Variants in PTPRD observed in about 807,000 individuals in gnomAD.
PTPRD encodes protein tyrosine phosphatase receptor type D.
Under a neutral mutation model 214.5 loss-of-function variants are expected in PTPRD, and 34 were observed. The observed-to-expected ratio is 0.16, with a 90% CI of 0.12 to 0.21. The LOEUF (loss-of-function observed/expected upper bound fraction) is 0.21. Ranked by LOEUF, PTPRD falls within the 10% of genes least tolerant of loss-of-function variation. PTPRD has a pLI of 1.00. For synonymous variants in PTPRD, 1,128 were observed against 845.7 expected, an observed-to-expected ratio of 1.33 and a Z score of -5.79; for missense variants, 2,545 against 2,398.7, an observed-to-expected ratio of 1.06 and a Z score of -1.27.
chr9:10,570,098 AT>A (rs2131902575), intron 2 of PTPRD, among the ~76,000 whole-genome samples: 1 of 152,282 alleles, frequency 6.6e-6, no homozygotes, highest in Non-Finnish European at 1.5e-5. Flanking sequence ...TTTCTAAAAA[AT>A]AAAAAAAAGA....
intron 5 of PTPRD, among the ~76,000 whole-genome samples, chr9:9,822,492 CATATA>C (rs1250877864): frequency 1.4e-5 from 2 of 147,356 alleles, no homozygotes; most frequent in Non-Finnish European, 3.0e-5. Flanking sequence ...ATATACAGAA[CATATA>C]ATATATATGT....
intron 9 of PTPRD, among the ~76,000 whole-genome samples, chr9:9,389,183 C>A (rs1034432350): frequency 2.0e-5 from 3 of 152,196 alleles, no homozygotes; most frequent in South Asian, 2.1e-4. Context: ...TAGCAGCATA[C>A]TGCTTAATGA....
At chr9:8,763,409 G>C (rs1188108710) in intron 11 of PTPRD, among the ~76,000 whole-genome samples, 1 of 152,058 alleles carries the variant, frequency 6.6e-6, no homozygotes, top group Non-Finnish European at 1.5e-5. Flanking sequence ...AGCTACTTGG[G>C]AGGCTGAGGC....
chr9:8,352,734 T>G (rs956149501), intron 39 of PTPRD, among the ~76,000 whole-genome samples: 1 of 152,158 alleles, frequency 6.6e-6, no homozygotes, highest in South Asian at 2.1e-4. Context: ...CTTTGATTAG[T>G]TTGTAAGGCA....
chr9:10,248,533 A>AAAAAAAAAAAAAAAAAAAAAAC (rs60272481), intron 3 of PTPRD, among the ~76,000 whole-genome samples: 7 of 127,444 alleles, frequency 5.5e-5, no homozygotes, highest in African/African-American at 1.6e-4. Flanking sequence ...AAAATAAAAA[A>AAAAAAAAAAAAAAAAAAAAAAC]AATAAAGCGA....
At chr9:10,107,052 C>G (rs1056072032) in intron 3 of PTPRD, among the ~76,000 whole-genome samples, 2 of 151,782 alleles carry the variant, frequency 1.3e-5, no homozygotes, top group Admixed American at 1.3e-4. Context: ...GCCTGGGGAA[C>G]TAGAAAATAT....
intron 14 of PTPRD, among the ~76,000 whole-genome samples, chr9:8,616,566 G>T (rs527800697): frequency 6.6e-6 from 1 of 151,954 alleles, no homozygotes; most frequent in Non-Finnish European, 1.5e-5. Flanking sequence ...CGTGGTCTGT[G>T]GTTAACAGAA....
intron 39 of PTPRD, among the ~76,000 whole-genome samples, chr9:8,373,909 TCTATCTACCTACCTAC>T (rs796603782): frequency 0.097 from 7,536 of 77,918 alleles, 688 homozygotes; most frequent in African/African-American, 0.36. Context: ...TATCTATCTA[TCTATCTACCTACCTAC>T]CTATCTCAGT....
chr9:9,420,708 C>T (rs989722013), intron 8 of PTPRD, among the ~76,000 whole-genome samples: 4 of 151,874 alleles, frequency 2.6e-5, no homozygotes, highest in East Asian at 3.9e-4. Flanking sequence ...ATGTATATGA[C>T]GACGTACAAC....
At chr9:9,730,871 G>C (rs1406541796) in intron 7 of PTPRD, among the ~76,000 whole-genome samples, 1 of 152,058 alleles carries the variant, frequency 6.6e-6, no homozygotes, top group Non-Finnish European at 1.5e-5. Context: ...CATTGCACCT[G>C]ACAAACGGTG....
intron 3 of PTPRD, among the ~76,000 whole-genome samples, chr9:10,248,522 A>AC (rs2092435586): frequency 3.7e-5 from 3 of 81,754 alleles, no homozygotes; most frequent in Non-Finnish European, 1.1e-4. Context: ...AAAAAAAAAA[A>AC]AAAATAAAAA....
At chr9:9,242,536 G>C (rs1311670150) in intron 9 of PTPRD, among the ~76,000 whole-genome samples, 6 of 151,964 alleles carry the variant, frequency 3.9e-5, no homozygotes, top group Non-Finnish European at 8.8e-5. Flanking sequence ...TGGAGGCTTT[G>C]TTTCTTTTTA....
intron 14 of PTPRD, among the ~76,000 whole-genome samples, chr9:8,578,530 A>T (rs188442716): frequency 4.6e-5 from 7 of 152,344 alleles, no homozygotes; most frequent in African/African-American, 1.4e-4. Context: ...TAGGCTGTCA[A>T]TACAACAAAA....
intron 8 of PTPRD, among the ~76,000 whole-genome samples, chr9:9,560,885 C>T (rs2082750685): frequency 6.6e-6 from 1 of 152,130 alleles, no homozygotes; most frequent in Non-Finnish European, 1.5e-5. Flanking sequence ...CCCTTGCCTT[C>T]ATGGTCAGTA....
intron 2 of PTPRD, among the ~76,000 whole-genome samples, chr9:10,403,925 A>G (rs1235824410): frequency 2.0e-5 from 3 of 151,730 alleles, no homozygotes; most frequent in Admixed American, 6.6e-5. Flanking sequence ...AGGTAGATAC[A>G]TGCCATTACA....
At chr9:9,895,094 C>T (rs1385446098) in intron 5 of PTPRD, among the ~76,000 whole-genome samples, 3 of 151,946 alleles carry the variant, frequency 2.0e-5, no homozygotes. Flanking sequence ...ATATGAGTTA[C>T]AAAGCAATTT....
At chr9:8,642,754 T>C (rs1486557432) in intron 12 of PTPRD, among the ~76,000 whole-genome samples, 2 of 152,174 alleles carry the variant, frequency 1.3e-5, no homozygotes, top group African/African-American at 2.4e-5. Context: ...GCACATCCTA[T>C]TGACACTTTC....
chr9:10,337,984 T>A (rs2096872733), intron 3 of PTPRD, among the ~76,000 whole-genome samples: 1 of 151,712 alleles, frequency 6.6e-6, no homozygotes, highest in Non-Finnish European at 1.5e-5. Flanking sequence ...TTTAAATTTA[T>A]CTTGTTGGGA....
At chr9:10,496,840 T>C (rs60290145) in intron 2 of PTPRD, among the ~76,000 whole-genome samples, 8,744 of 152,140 alleles carry the variant, frequency 0.057, 808 homozygotes, top group African/African-American at 0.2. Flanking sequence ...AAGTTCCCTA[T>C]AGATTCTGGA....
Sources: allele counts gnomAD v4.1 joint callset (sites outside exome capture counted in the v4.1 genomes callset), GRCh38; gene constraint gnomAD v4.1.1; transcripts MANE v1.5; gene names NCBI Gene and HGNC (gene_info 2026-07-23, HGNC 2026-07-21).